The following PCBP3 variants were observed in gnomAD, a reference collection of about 807,000 sequenced individuals.
PCBP3 encodes poly(rC) binding protein 3.
Under a neutral mutation model 52.7 loss-of-function variants are expected in PCBP3, and 25 were observed. The ratio of observed to expected loss-of-function variants is 0.47; its 90% CI spans 0.35 to 0.66. The LOEUF (loss-of-function observed/expected upper bound fraction) is 0.66. Ranked by LOEUF, PCBP3 falls within the 30% of genes least tolerant of loss-of-function variation. PCBP3 has a pLI of 0.01. For synonymous variants in PCBP3, 162 were observed against 183.0 expected, an observed-to-expected ratio of 0.89 and a Z score of 0.93; for missense variants, 391 against 490.3, an observed-to-expected ratio of 0.80 and a Z score of 1.91.
chr21:45,784,767 A>G (rs1312205875), intron 4 of PCBP3, among the ~76,000 whole-genome samples: 10 of 152,320 alleles, frequency 6.6e-5, no homozygotes, highest in South Asian at 2.1e-4. Flanking sequence ...TCAGTGCTCA[A>G]TGGTGCCCGG....
chr21:45,689,052 A>G (rs952373701), intron 2 of PCBP3, among the ~76,000 whole-genome samples: 1 of 152,010 alleles, frequency 6.6e-6, no homozygotes, highest in Non-Finnish European at 1.5e-5. Context: ...CAGAAAATGG[A>G]TGAGGGAATA....
In PCBP3 at chr21:45,792,430, TATTGTCTGTGGAAAGAA is replaced by T. The variant is rs558114574; in HGVS notation, c.-126+36980_-126+36996del. On this transcript the variant is annotated intron_variant, in intron 4 of 17. Coordinates refer to ENST00000681687, the MANE Select transcript of PCBP3 (RefSeq NM_001384156.1). Reference sequence around the variant, plus strand: ...CTCTGGGATAAGAGGTTAGCTTATCTATTGTCTGTGGAAAGAAAACTTAAATAGAGTTTTCTTTTTTA... The same window carrying T: ...CTCTGGGATAAGAGGTTAGCTTATCTAACTTAAATAGAGTTTTCTTTTTTA... Among the ~76,000 whole-genome samples, 31 of 152,350 alleles carry T rather than the reference TATTGTCTGTGGAAAGAA, an allele frequency of 2.0e-4. No individual in the cohort carries two copies. In the South Asian group the frequency reaches 6.2e-3, roughly 31 times the overall value.
At chr21:45,695,298 C>T (rs990587192) in intron 2 of PCBP3, among the ~76,000 whole-genome samples, 1 of 152,190 alleles carries the variant, frequency 6.6e-6, no homozygotes, top group Non-Finnish European at 1.5e-5. Context: ...GCTGGAGGGA[C>T]ACGGGTAGAG....
intron 2 of PCBP3, among the ~76,000 whole-genome samples, chr21:45,711,676 C>G (rs990097946): frequency 1.3e-5 from 2 of 152,218 alleles, no homozygotes; most frequent in East Asian, 3.8e-4. Context: ...AGGTCAGCAC[C>G]TTATTCTCCA....
intron 1 of PCBP3, among the ~76,000 whole-genome samples, chr21:45,657,960 G>A (rs2080125525): frequency 6.6e-6 from 1 of 152,142 alleles, no homozygotes; most frequent in Non-Finnish European, 1.5e-5. Context: ...AATTGTTGTG[G>A]CAAGGGTGGA....
intron 1 of PCBP3, among the ~76,000 whole-genome samples, chr21:45,659,622 A>G (rs1010903363): frequency 3.3e-5 from 5 of 152,128 alleles, no homozygotes; most frequent in African/African-American, 1.2e-4. Flanking sequence ...AAGTGCTGGG[A>G]TTACAGGCGT....
intron 2 of PCBP3, among the ~76,000 whole-genome samples, chr21:45,677,745 T>A (rs555942990): frequency 1.3e-5 from 2 of 152,252 alleles, no homozygotes; most frequent in South Asian, 4.1e-4. Flanking sequence ...AACTCTAGGA[T>A]CCTTAAGAAT....
chr21:45,758,861 A>G (rs1025829916), intron 4 of PCBP3, among the ~76,000 whole-genome samples: 2 of 152,080 alleles, frequency 1.3e-5, no homozygotes, highest in African/African-American at 4.8e-5. Flanking sequence ...AAGTATGATG[A>G]TAGCTTTTTA....
At chr21:45,929,810 C>T (rs2075940166) in intron 13 of PCBP3, 107 bp from the exon 14 acceptor site, 11 of 817,762 alleles carry the variant, frequency 1.3e-5, no homozygotes. Flanking sequence ...TCCGCATGGC[C>T]CTCTTTCTAT....
chr21:45,682,115 T>C (rs967532062), intron 2 of PCBP3, among the ~76,000 whole-genome samples: 3 of 152,174 alleles, frequency 2.0e-5, no homozygotes, highest in Non-Finnish European at 4.4e-5. Flanking sequence ...TGAGCAGTTA[T>C]TTTGTTAAAG....
At chr21:45,919,499 C>T (rs1394523743) in intron 13 of PCBP3, 1 of 152,164 alleles carries the variant, frequency 6.6e-6, no homozygotes, top group Admixed American at 6.5e-5. Context: ...ACTATCATTG[C>T]AGGAAAATTT....
chr21:45,717,947 T>C (rs548880538), intron 2 of PCBP3, among the ~76,000 whole-genome samples: 2 of 152,340 alleles, frequency 1.3e-5, no homozygotes, highest in East Asian at 3.9e-4. Context: ...ACGGTAGTAA[T>C]GCCATCTGAT....
chr21:45,725,239 C>CTGACCTCTGAGCAGA (rs374148990), intron 2 of PCBP3, among the ~76,000 whole-genome samples: 182 of 152,156 alleles, frequency 1.2e-3, no homozygotes, highest in African/African-American at 4.2e-3. Context: ...GGGAAGTGCC[C>CTGACCTCTGAGCAGA]TGACCTCTGA....
intron 13 of PCBP3, chr21:45,918,027 T>C: frequency 3.5e-6 from 1 of 289,628 alleles, no homozygotes; most frequent in Non-Finnish European, 6.7e-6. Context: ...GCCACAAAGA[T>C]ACCTTGGCAA....
At chr21:45,910,422 C>A (rs1261422932) in intron 10 of PCBP3, among the ~76,000 whole-genome samples, 4 of 151,960 alleles carry the variant, frequency 2.6e-5, no homozygotes, top group African/African-American at 9.7e-5. Context: ...AGCCATCGGC[C>A]TGTCCCAGTG....
chr21:45,911,158 C>A, intron 11 of PCBP3, 128 bp downstream of exon 11: 2 of 1,103,666 alleles, frequency 1.8e-6, no homozygotes, highest in Non-Finnish European at 2.7e-6. Flanking sequence ...GGGCTCCTGA[C>A]CCCAAGTCAG....
chr21:45,746,209 C>T lies in PCBP3; in HGVS notation c.-161-9208C>T, dbSNP rs373249881. On this transcript the variant is annotated intron_variant, in intron 3 of 17. Transcript: ENST00000681687. The stretch of plus-strand genomic sequence containing the variant: ...CAGCATCACCGTGTCAGTCCATTGA[C>T]GTAGCGCACACGGTGTTGTCAGCAT... Among the ~76,000 whole-genome samples, 15 of 123,154 alleles carry T rather than the reference C, an allele frequency of 1.2e-4. 2 individuals carry two copies. The East Asian group carries it at 2.9e-3, about 24-fold the overall frequency. The allele number at this position is 123,154 out of a possible 152,430, so 80.8% of individuals were successfully genotyped here.
chr21:45,920,642 C>T (rs906742372), intron 13 of PCBP3, among the ~76,000 whole-genome samples: 2 of 152,180 alleles, frequency 1.3e-5, no homozygotes, highest in Admixed American at 6.5e-5. Flanking sequence ...ATGAGCGCTC[C>T]ACCCTCGTGA....
At chr21:45,927,305 C>A (rs1476097494) in intron 13 of PCBP3, among the ~76,000 whole-genome samples, 1 of 113,080 alleles carries the variant, frequency 8.8e-6, no homozygotes, top group Non-Finnish European at 1.9e-5. Context: ...CCTCCCTCCC[C>A]TCCCCTTCCT....
Sources: gnomAD v4.1 joint callset for allele counts (sites outside exome capture counted in the v4.1 genomes callset) on GRCh38, gnomAD v4.1.1 for gene constraint, MANE v1.5 for transcripts, NCBI Gene and HGNC (gene_info 2026-07-23, HGNC 2026-07-21) for gene names.